CPE: variants seen among roughly 807,000 people sequenced by gnomAD.
CPE encodes carboxypeptidase E.
Under a neutral mutation model 53.5 loss-of-function variants are expected in CPE, and 17 were observed. The observed-to-expected ratio is 0.32, with a 90% CI of 0.22 to 0.48. CPE has a LOEUF of 0.48. Among genes scored for constraint, CPE ranks in the 20% least tolerant of loss-of-function variants. The pLI, the probability that CPE is intolerant of heterozygous loss-of-function variation, is 0.99. For synonymous variants in CPE, 226 were observed against 228.8 expected (o/e 0.99, Z 0.11); for missense variants, 524 against 614.7 (o/e 0.85, Z 1.56).
intron 1 of CPE, among the ~76,000 whole-genome samples, chr4:165,448,745 C>T (rs751800219): frequency 2.6e-5 from 4 of 152,182 alleles, no homozygotes; most frequent in Admixed American, 6.5e-5. Flanking sequence ...CATTTTTGAT[C>T]GTCAGTCCAC....
At chr4:165,452,856 G>A (rs1299447044) in intron 1 of CPE, among the ~76,000 whole-genome samples, 1 of 152,166 alleles carries the variant, frequency 6.6e-6, no homozygotes, top group East Asian at 1.9e-4. Flanking sequence ...GAATACAGCT[G>A]CTCAGGCCCC....
intron 4 of CPE, among the ~76,000 whole-genome samples, chr4:165,482,909 G>GT (rs1218864523): frequency 6.6e-6 from 1 of 151,944 alleles, no homozygotes; most frequent in Non-Finnish European, 1.5e-5. Flanking sequence ...TTTTCAAATT[G>GT]TTTTTTGTTG....
At chr4:165,433,518 C>G (rs898832989) in intron 1 of CPE, among the ~76,000 whole-genome samples, 1 of 152,114 alleles carries the variant, frequency 6.6e-6, no homozygotes, top group Admixed American at 6.5e-5. Context: ...ATTCTCCGCA[C>G]CAGGTGTGGG....
intron 1 of CPE, among the ~76,000 whole-genome samples, chr4:165,420,967 G>A (rs527953759): frequency 6.3e-4 from 96 of 152,096 alleles, no homozygotes; most frequent in African/African-American, 2.0e-3. Context: ...AAATTGGCCC[G>A]TACTTCTCTA....
chr4:165,431,256 A>G (rs143464543), intron 1 of CPE, among the ~76,000 whole-genome samples: 48 of 152,276 alleles, frequency 3.2e-4, no homozygotes, highest in African/African-American at 1.0e-3. Flanking sequence ...CACGTACGTG[A>G]TGCCACCTGG....
chr4:165,415,743 G>A (rs964311245), intron 1 of CPE, among the ~76,000 whole-genome samples: 7 of 142,536 alleles, frequency 4.9e-5, no homozygotes, highest in Non-Finnish European at 9.3e-5. Context: ...TACATATATA[G>A]TATATACAGT....
intron 3 of CPE, among the ~76,000 whole-genome samples, chr4:165,480,174 C>A (rs993054865): frequency 7.2e-5 from 11 of 152,072 alleles, no homozygotes; most frequent in Admixed American, 3.9e-4. Context: ...CACTTTAAAA[C>A]ACATAATAAT....
rs1010860209 is a variant in CPE, at chr4:165,495,490, C to T, written c.1214-69C>T. 63 of 1,004,850 alleles carry T rather than the reference C, an allele frequency of 6.3e-5. No homozygotes were observed. In the African/African-American group the frequency reaches 8.2e-4, roughly 13 times the overall value. The allele number at this position is 1,004,850 out of a possible 1,614,324, so 62.2% of individuals were successfully genotyped here. A position where few individuals can be genotyped will look rare whatever the true frequency, so the allele number is the denominator to read the frequency against. On this transcript the variant is annotated intron_variant, in intron 7 of 8. Transcript: ENST00000402744. Reference sequence around the variant, plus strand: ...GCTAGACTGGGTATTCCTTAGATGGCATAATTATGCATTGTGTAATTCTGC... The same window carrying T: ...GCTAGACTGGGTATTCCTTAGATGGTATAATTATGCATTGTGTAATTCTGC...
intron 1 of CPE, among the ~76,000 whole-genome samples, chr4:165,452,821 C>G (rs186728302): frequency 3.5e-4 from 54 of 152,286 alleles, no homozygotes; most frequent in African/African-American, 1.3e-3. Flanking sequence ...GCCCTGGCAT[C>G]AGAATCACCT....
At chr4:165,483,390 T>C (rs1427914795) in intron 4 of CPE, among the ~76,000 whole-genome samples, 1 of 152,234 alleles carries the variant, frequency 6.6e-6, no homozygotes, top group Non-Finnish European at 1.5e-5. Flanking sequence ...TAATCAACCA[T>C]TGATGGACAA....
rs1560863486 is a variant in CPE at position 165,379,342 on chromosome 4, C to T, written c.121C>T (p.Arg41Trp). The T allele has an allele frequency of 1.3e-6, 2 of 1,584,186 alleles. No individual in the cohort carries two copies. The highest frequency in any genetic ancestry group is 8.6e-7 in the Non-Finnish European group (1 of 1,169,434). The change falls in exon 1 of 9, where the codon CGG (arginine) becomes TGG (tryptophan). Residue 41 changes from arginine (R) to tryptophan (W), a missense_variant. Arg to Trp is a moderately radical substitution (Grantham distance 101). Transcript: ENST00000402744. This position sits in a 1 kb window ranked among gnomAD's most constrained non-coding sequence, Gnocchi z 6.0. ...GAPAAGMRRR[R>W]RLQQEDGISF... ...GCCCGCGGCGGGCATGAGGCGGCGC[C>T]GGCGGCTGCAGCAAGAGGACGGCAT...
intron 1 of CPE, among the ~76,000 whole-genome samples, chr4:165,415,775 A>C (rs34485171): frequency 7.9e-5 from 12 of 151,910 alleles, no homozygotes; most frequent in South Asian, 4.1e-4. Context: ...ACATACATAC[A>C]TATAGTACAT....
At chr4:165,480,905 A>G (rs1732395175) in intron 3 of CPE, among the ~76,000 whole-genome samples, 2 of 151,434 alleles carry the variant, frequency 1.3e-5, no homozygotes, top group African/African-American at 4.8e-5. Flanking sequence ...ATATATACAA[A>G]TGTTAGTAGT....
At chr4:165,450,938 CTCTT>C (rs1490887710) in intron 1 of CPE, among the ~76,000 whole-genome samples, 3 of 152,198 alleles carry the variant, frequency 2.0e-5, no homozygotes, top group South Asian at 2.1e-4. Context: ...CATTTGATCT[CTCTT>C]TCTTTCCCCC....
At chr4:165,445,362 A>G (rs892491025) in intron 1 of CPE, among the ~76,000 whole-genome samples, 1 of 149,668 alleles carries the variant, frequency 6.7e-6, no homozygotes, top group African/African-American at 2.5e-5. Flanking sequence ...GGTGTTATTT[A>G]TCCTTCATAC....
chr4:165,459,914 C>CAAAAAA (rs10718543), intron 1 of CPE, among the ~76,000 whole-genome samples: 2 of 78,740 alleles, frequency 2.5e-5, no homozygotes, highest in Admixed American at 1.5e-4. Context: ...GACTCTGTCT[C>CAAAAAA]AAAAAAAAAA....
intron 1 of CPE, among the ~76,000 whole-genome samples, chr4:165,423,984 T>A (rs963197299): frequency 1.4e-4 from 21 of 152,118 alleles, no homozygotes; most frequent in African/African-American, 3.9e-4. Context: ...CATCATTTTT[T>A]AAAAAAATCC....
At chr4:165,451,522 C>G (rs1454911771) in intron 1 of CPE, among the ~76,000 whole-genome samples, 1 of 151,982 alleles carries the variant, frequency 6.6e-6, no homozygotes, top group Non-Finnish European at 1.5e-5. Flanking sequence ...GACAGAGTCT[C>G]GCTCCGTTGC....
At chr4:165,410,419 C>T (rs2126667463) in intron 1 of CPE, among the ~76,000 whole-genome samples, 1 of 152,258 alleles carries the variant, frequency 6.6e-6, no homozygotes, top group Admixed American at 6.5e-5. Context: ...TAGAACATCA[C>T]ACCGGCACTG....
Sources: gnomAD v4.1 joint callset for allele counts (sites outside exome capture counted in the v4.1 genomes callset) on GRCh38, gnomAD v4.1.1 for gene constraint, Gnocchi (gnomAD v3.1) non-coding constraint, MANE v1.5 for transcripts, NCBI Gene and HGNC (gene_info 2026-07-23, HGNC 2026-07-21) for gene names.